Variants in TRHDE observed in about 807,000 individuals in gnomAD.
The protein encoded by TRHDE is thyrotropin releasing hormone degrading enzyme, also known as thyrotropin-releasing hormone-degrading ectoenzyme.
Under a neutral mutation model 125.7 loss-of-function variants are expected in TRHDE, and 72 were observed. That is an observed-to-expected ratio of 0.57 (90% CI 0.47 to 0.70). TRHDE has a LOEUF of 0.70. Among genes scored for constraint, TRHDE ranks in the 30% least tolerant of loss-of-function variants. TRHDE has a pLI of 0.00. For missense variants in TRHDE, 1,110 were observed against 1,327.1 expected (o/e 0.84, Z 2.54); for synonymous variants, 509 against 509.1 (o/e 1.00, Z 0.00).
intron 6 of TRHDE, among the ~76,000 whole-genome samples, chr12:72,535,043 A>G (rs946156276): frequency 1.9e-4 from 29 of 152,138 alleles, no homozygotes; most frequent in African/African-American, 5.5e-4. Flanking sequence ...GGGGCAGGGG[A>G]CTAACATAAA....
chr12:72,541,988 CATAT>C (rs1869171396), intron 6 of TRHDE, among the ~76,000 whole-genome samples: 1 of 151,300 alleles, frequency 6.6e-6, no homozygotes, highest in Non-Finnish European at 1.5e-5. Context: ...TTAAATTTGT[CATAT>C]ATAGTGTTCA....
At chr12:72,593,588 C>T (rs1433840151) in intron 12 of TRHDE, among the ~76,000 whole-genome samples, 1 of 151,966 alleles carries the variant, frequency 6.6e-6, no homozygotes, top group Non-Finnish European at 1.5e-5. Context: ...CATATGTATA[C>T]ATGTGCCATG....
At chr12:72,474,544 C>G (rs866357893) in intron 5 of TRHDE, among the ~76,000 whole-genome samples, 1 of 152,076 alleles carries the variant, frequency 6.6e-6, no homozygotes, top group African/African-American at 2.4e-5. Flanking sequence ...TATTTTATCT[C>G]GCTTGGCATG....
chr12:72,378,176 T>G lies in TRHDE; in HGVS notation c.1315+55T>G, dbSNP rs1452171565. On this transcript the variant is annotated intron_variant, in intron 3 of 18. Transcript: ENST00000261180. Reference sequence around the variant, plus strand: ...AGGGCTCCTTGAAAGTGGAATTTCTTCTTCATGTGTTTATTTGAGCCATCC... The same window carrying G: ...AGGGCTCCTTGAAAGTGGAATTTCTGCTTCATGTGTTTATTTGAGCCATCC... The G allele has an allele frequency of 2.2e-5, 33 of 1,480,534 alleles. 1 individual carries two copies. Among genetic ancestry groups the G allele is most frequent in the South Asian group, 1.2e-4 (8 of 67,470 alleles). 91.7% of individuals were successfully genotyped at this position (1,480,534 alleles called of 1,614,324 possible). A position where few individuals can be genotyped will look rare whatever the true frequency, so the allele number is the denominator to read the frequency against.
upstream of TRHDE, chr12:72,271,807 C>A (rs1235156792): frequency 1.7e-5 from 7 of 420,060 alleles, no homozygotes; most frequent in Non-Finnish European, 2.9e-5. Flanking sequence ...TGGAGCAAAC[C>A]CAGAGCTTCA....
At chr12:72,564,117 C>A (rs945258128) in intron 9 of TRHDE, among the ~76,000 whole-genome samples, 2 of 152,054 alleles carry the variant, frequency 1.3e-5, no homozygotes, top group African/African-American at 4.8e-5. Flanking sequence ...GCAGTGTCTT[C>A]TATCTCTCTC....
chr12:72,434,619 A>G (rs558735962), intron 3 of TRHDE, among the ~76,000 whole-genome samples: 18 of 152,268 alleles, frequency 1.2e-4, no homozygotes, highest in African/African-American at 3.6e-4. Context: ...AATTATTACA[A>G]TAAGCCAATT....
At chr12:72,556,541 G>A (rs1456138209) in intron 7 of TRHDE, among the ~76,000 whole-genome samples, 1 of 152,194 alleles carries the variant, frequency 6.6e-6, no homozygotes, top group Non-Finnish European at 1.5e-5. Flanking sequence ...GTCCTAGGAC[G>A]AAGCATCCCC....
chr12:72,453,538 G>C (rs1277384827), intron 3 of TRHDE, among the ~76,000 whole-genome samples: 3 of 152,194 alleles, frequency 2.0e-5, no homozygotes, highest in Non-Finnish European at 4.4e-5. Flanking sequence ...ATTTTCAGGA[G>C]AAAAATTCAA....
intron 2 of TRHDE, among the ~76,000 whole-genome samples, chr12:72,224,510 A>T (rs184324608): frequency 9.7e-4 from 148 of 152,024 alleles, no homozygotes; most frequent in African/African-American, 3.3e-3. Flanking sequence ...TTTTGCTTGG[A>T]ATTTGGTTGT....
chr12:72,621,139 A>G lies in TRHDE; in HGVS notation c.2501A>G (p.Tyr834Cys). 6.2e-7 allele frequency: 1 copy of G among 1,611,934 alleles called. No individual in the cohort carries two copies. Among genetic ancestry groups the G allele is most frequent in the Non-Finnish European group, 8.5e-7 (1 of 1,178,494 alleles). Reference sequence around the variant, plus strand: ...ATTTTAAAGCAAGTTGCAACAACATATATCAAGCTTGGGTGGCCGAAAAAT... The same window carrying G: ...ATTTTAAAGCAAGTTGCAACAACATGTATCAAGCTTGGGTGGCCGAAAAAT... ...EYILKQVATTYIKLGWPKNNF... is the reference protein window; with the variant it reads ...EYILKQVATTCIKLGWPKNNF... The change falls in exon 14 of 19, where the codon TAT (tyrosine) becomes TGT (cysteine). Residue 834 changes from tyrosine (Y) to cysteine (C), a missense_variant. Tyr to Cys is a radical substitution (Grantham distance 194). Coordinates refer to ENST00000261180, the MANE Select transcript of TRHDE (RefSeq NM_013381.3).
At chr12:72,510,074 ACCCC>A (rs1433020173) in intron 6 of TRHDE, among the ~76,000 whole-genome samples, 1 of 151,532 alleles carries the variant, frequency 6.6e-6, no homozygotes, top group Non-Finnish European at 1.5e-5. Context: ...ACCTCATGGG[ACCCC>A]CTTCTGTGAG....
chr12:72,387,798 G>A (rs114278231), intron 3 of TRHDE, among the ~76,000 whole-genome samples: 1 of 152,034 alleles, frequency 6.6e-6, no homozygotes, highest in Non-Finnish European at 1.5e-5. Flanking sequence ...ACACCCTTTC[G>A]CTTGGTTCTC....
At chr12:72,394,245 A>G in intron 3 of TRHDE, among the ~76,000 whole-genome samples, 1 of 152,208 alleles carries the variant, frequency 6.6e-6, no homozygotes, top group African/African-American at 2.4e-5. Context: ...TTAATAGTCC[A>G]ATTAACAGTA....
chr12:72,447,889 T>C (rs1193724918), intron 3 of TRHDE, among the ~76,000 whole-genome samples: 2 of 152,048 alleles, frequency 1.3e-5, no homozygotes, highest in African/African-American at 4.8e-5. Flanking sequence ...CTTGGCACAT[T>C]ACCTGAATGT....
chr12:72,277,246 C>T (rs1046058706), intron 1 of TRHDE, among the ~76,000 whole-genome samples: 1 of 152,026 alleles, frequency 6.6e-6, no homozygotes, highest in African/African-American at 2.4e-5. Flanking sequence ...CATCCTTTTG[C>T]AAAAATCTTG....
chr12:72,162,898 G>A lies in TRHDE; in HGVS notation n.279+57146G>A, dbSNP rs553380831. The A allele has an allele frequency of 3.3e-5, 5 of 150,188 alleles. No individual in the cohort carries two copies. In the South Asian group the frequency reaches 8.5e-4, roughly 26 times the overall value. The allele number at this position is 150,188 out of a possible 1,614,324, so 9.3% of individuals were successfully genotyped here. A position where few individuals can be genotyped will look rare whatever the true frequency, so the allele number is the denominator to read the frequency against. The stretch of plus-strand genomic sequence containing the variant: ...GGCATGAGGAAGAAAAGGACTTTGG[G>A]GTGGGTTTTTTTTTTTTTTTTCAAA... On this transcript the variant is annotated intron_variant and non_coding_transcript_variant, in intron 2 of 4. Coordinates refer to the TRHDE transcript ENST00000548156.
intron 2 of TRHDE, among the ~76,000 whole-genome samples, chr12:72,229,288 C>T (rs1415590053): frequency 6.6e-6 from 1 of 152,192 alleles, no homozygotes; most frequent in Non-Finnish European, 1.5e-5. Flanking sequence ...AAAGGCATGT[C>T]TTACATGGTA....
At chr12:72,646,741 G>A (rs1220092578) in intron 15 of TRHDE, among the ~76,000 whole-genome samples, 3 of 151,764 alleles carry the variant, frequency 2.0e-5, no homozygotes, top group African/African-American at 7.3e-5. Flanking sequence ...AAACAAAGAA[G>A]GGCACTATAT....
Sources: gnomAD v4.1 joint callset for allele counts (sites outside exome capture counted in the v4.1 genomes callset) on GRCh38, gnomAD v4.1.1 for gene constraint, MANE v1.5 for transcripts, NCBI Gene and HGNC (gene_info 2026-07-23, HGNC 2026-07-21) for gene names.